The following SBF2 variants were observed in gnomAD, a reference collection of about 807,000 sequenced individuals.
SBF2 encodes SET binding factor 2.
Under a neutral mutation model 225.2 loss-of-function variants are expected in SBF2, and 112 were observed. The ratio of observed to expected loss-of-function variants is 0.50; its 90% CI spans 0.43 to 0.58. SBF2 has a LOEUF of 0.58. Among genes scored for constraint, SBF2 ranks in the 20% least tolerant of loss-of-function variants. The pLI, the probability that SBF2 is intolerant of heterozygous loss-of-function variation, is 0.00. For missense variants in SBF2, 1,996 were observed against 2,206.2 expected, an observed-to-expected ratio of 0.90 and a Z score of 1.91; for synonymous variants, 763 against 773.3, an observed-to-expected ratio of 0.99 and a Z score of 0.22.
intron 2 of SBF2, among the ~76,000 whole-genome samples, chr11:10,117,881 TAAAAC>T (rs1175762428): frequency 6.6e-6 from 1 of 152,148 alleles, no homozygotes; most frequent in Non-Finnish European, 1.5e-5. Context: ...GTTTTTTTGT[TAAAAC>T]AAAGAATGTG....
At chr11:9,858,201 T>G (rs1857458144) in intron 18 of SBF2, 25 bp downstream of exon 18, 3 of 1,613,278 alleles carry the variant, frequency 1.9e-6, no homozygotes, top group Non-Finnish European at 2.5e-6. Flanking sequence ...TCCCACACAA[T>G]TAGAGTTCTT....
chr11:9,842,015 A>G (rs749176236), intron 25 of SBF2, among the ~76,000 whole-genome samples: 11 of 152,190 alleles, frequency 7.2e-5, no homozygotes, highest in Non-Finnish European at 1.5e-4. Flanking sequence ...GCCTCCCATT[A>G]TATCAGCTTC....
At chr11:9,983,734 T>C (rs763135612) in intron 13 of SBF2, among the ~76,000 whole-genome samples, 1 of 152,134 alleles carries the variant, frequency 6.6e-6, no homozygotes, top group Non-Finnish European at 1.5e-5. Context: ...GAGAGACCCA[T>C]AGACGGTTCA....
At chr11:10,018,912 C>T (rs1299908149) in intron 6 of SBF2, among the ~76,000 whole-genome samples, 1 of 152,172 alleles carries the variant, frequency 6.6e-6, no homozygotes, top group Non-Finnish European at 1.5e-5. Flanking sequence ...CTTACTATTC[C>T]ATGAGGGCCT....
intron 6 of SBF2, among the ~76,000 whole-genome samples, chr11:10,008,801 C>G (rs1366716650): frequency 1.3e-5 from 2 of 152,236 alleles, no homozygotes; most frequent in Non-Finnish European, 2.9e-5. Context: ...TCAAACATCA[C>G]TATTGAAGGG....
intron 2 of SBF2, among the ~76,000 whole-genome samples, chr11:10,142,595 T>C (rs1013795759): frequency 6.6e-6 from 1 of 152,328 alleles, no homozygotes; most frequent in East Asian, 1.9e-4. Context: ...GCTTCTGATA[T>C]ATGAATTTAA....
intron 2 of SBF2, among the ~76,000 whole-genome samples, chr11:10,179,541 G>C (rs760637546): frequency 5.9e-5 from 9 of 152,118 alleles, no homozygotes; most frequent in Non-Finnish European, 1.0e-4. Flanking sequence ...AGGTACATTT[G>C]TTTTATAGTG....
intron 16 of SBF2, among the ~76,000 whole-genome samples, chr11:9,920,782 A>G (rs1004523160): frequency 6.6e-6 from 1 of 152,134 alleles, no homozygotes; most frequent in Non-Finnish European, 1.5e-5. Flanking sequence ...CTGTACCGTT[A>G]TTTCAGAATG....
chr11:10,145,371 C>T (rs1464952434), intron 2 of SBF2, among the ~76,000 whole-genome samples: 1 of 152,050 alleles, frequency 6.6e-6, no homozygotes, highest in Non-Finnish European at 1.5e-5. Flanking sequence ...AAAAGGAATA[C>T]ATCTGGATCA....
intron 14 of SBF2, among the ~76,000 whole-genome samples, chr11:9,965,297 CTTTTTTT>C (rs34056394): frequency 4.7e-5 from 6 of 128,852 alleles, no homozygotes; most frequent in African/African-American, 1.7e-4. Context: ...ATGTTTTAAA[CTTTTTTT>C]TTTTTTTTTT....
intron 2 of SBF2, among the ~76,000 whole-genome samples, chr11:10,095,190 T>C (rs1421712768): frequency 6.6e-6 from 1 of 152,030 alleles, no homozygotes; most frequent in East Asian, 1.9e-4. Context: ...CCCAAAAAGC[T>C]GGGATTAGAG....
chr11:10,179,384 AAAC>A (rs1478301870), intron 2 of SBF2, among the ~76,000 whole-genome samples: 3 of 119,740 alleles, frequency 2.5e-5, no homozygotes, highest in African/African-American at 8.9e-5. Context: ...AAAAACAAAA[AAAC>A]AAAAAAAAAC....
At chr11:9,947,339 C>T (rs1565044420) in intron 16 of SBF2, among the ~76,000 whole-genome samples, 1 of 152,134 alleles carries the variant, frequency 6.6e-6, no homozygotes, top group Non-Finnish European at 1.5e-5. Context: ...TCTATGACCG[C>T]TCTAAAAGAT....
intron 22 of SBF2, 99 bp downstream of exon 22, chr11:9,849,924 T>A: frequency 1.7e-6 from 2 of 1,188,152 alleles, no homozygotes; most frequent in South Asian, 1.2e-5. Flanking sequence ...AAAAGCTGAC[T>A]TTGGATTTAA....
chr11:10,084,026 T>C (rs1951461472), intron 2 of SBF2, among the ~76,000 whole-genome samples: 1 of 152,094 alleles, frequency 6.6e-6, no homozygotes, highest in African/African-American at 2.4e-5. Context: ...AAAAAGCTTA[T>C]GCACAGCAAA....
At chr11:9,862,709 T>A (rs1385715436) in intron 17 of SBF2, among the ~76,000 whole-genome samples, 1 of 152,180 alleles carries the variant, frequency 6.6e-6, no homozygotes, top group Non-Finnish European at 1.5e-5. Flanking sequence ...GATAAAACTA[T>A]CTTCTGATTG....
intron 2 of SBF2, among the ~76,000 whole-genome samples, chr11:10,136,374 G>A (rs566727706): frequency 6.6e-6 from 1 of 152,282 alleles, no homozygotes; most frequent in African/African-American, 2.4e-5. Flanking sequence ...GCTTCAGGAT[G>A]GGGAGCTGAT....
At chr11:10,124,657 T>G (rs977970090) in intron 2 of SBF2, among the ~76,000 whole-genome samples, 5 of 152,230 alleles carry the variant, frequency 3.3e-5, no homozygotes, top group African/African-American at 1.2e-4. Context: ...GAAAATTTCC[T>G]GACATTTAAT....
chr11:9,996,009 C>G (rs1036140359), intron 9 of SBF2, among the ~76,000 whole-genome samples: 1 of 152,062 alleles, frequency 6.6e-6, no homozygotes, highest in Non-Finnish European at 1.5e-5. Context: ...TCTAATCCAC[C>G]ACTGTGCTTA....
Sources: gnomAD v4.1 joint callset for allele counts (sites outside exome capture counted in the v4.1 genomes callset) on GRCh38, gnomAD v4.1.1 for gene constraint, MANE v1.5 for transcripts, NCBI Gene and HGNC (gene_info 2026-07-23, HGNC 2026-07-21) for gene names.